The following LRCH3 variants were observed in gnomAD, a reference collection of about 807,000 sequenced individuals.
LRCH3 encodes leucine rich repeats and calponin homology domain containing 3.
A neutral mutation model predicts 104.5 loss-of-function variants in LRCH3; 68 were observed. That is an observed-to-expected ratio of 0.65 (90% CI 0.54 to 0.80). LRCH3 has a LOEUF of 0.80. LRCH3 is among the 30% of genes least tolerant of loss of function. LRCH3 has a pLI of 0.00. For missense variants in LRCH3, 951 were observed against 953.9 expected (o/e 1.00, Z 0.04); for synonymous variants, 344 against 361.3 (o/e 0.95, Z 0.54).
At chr3:197,828,703 CTTTTTTTTT>C (rs752665561) in intron 5 of LRCH3, among the ~76,000 whole-genome samples, 1 of 112,836 alleles carries the variant, frequency 8.9e-6, no homozygotes, top group African/African-American at 3.4e-5. Context: ...ATATGTTACT[CTTTTTTTTT>C]TTTTTTTTTT....
intron 8 of LRCH3, among the ~76,000 whole-genome samples, chr3:197,833,463 G>A (rs1208479719): frequency 1.4e-5 from 2 of 144,040 alleles, no homozygotes; most frequent in Non-Finnish European, 3.0e-5. Context: ...ACTTGAACTC[G>A]GGAGGTGGAG....
intron 3 of LRCH3, among the ~76,000 whole-genome samples, chr3:197,819,571 C>T (rs1734251835): frequency 6.6e-6 from 1 of 151,890 alleles, no homozygotes; most frequent in Non-Finnish European, 1.5e-5. Flanking sequence ...CAAAAATTAG[C>T]TGGGTGTGGT....
chr3:197,879,450 T>A (rs539364425), intron 20 of LRCH3, among the ~76,000 whole-genome samples: 19 of 150,916 alleles, frequency 1.3e-4, no homozygotes, highest in Admixed American at 1.1e-3. Context: ...ATCGAGACCA[T>A]CCTGGCTAAC....
At position 197,791,310 on chromosome 3, in the gene LRCH3, C is replaced by A. The variant is rs767788506; in HGVS notation, c.32C>A (p.Ala11Glu). 3 of 1,608,710 alleles carry A rather than the reference C, an allele frequency of 1.9e-6. No homozygotes were observed. The highest frequency in any genetic ancestry group is 1.3e-5 in the African/African-American group (1 of 74,634). Residue 11 changes from alanine to glutamate, a missense_variant, in exon 1 of 21, where the codon GCG (alanine) becomes GAG (glutamate). Physicochemically the swap from Ala to Glu is moderately radical, Grantham distance 107. Coordinates refer to ENST00000425562, the MANE Select transcript of LRCH3 (RefSeq NM_001365715.1). MAAAGLVAVA[A>E]AAEYSGTVAS... Reference sequence around the variant, plus strand: ...GCCGCGGGCTTGGTCGCTGTGGCAGCGGCTGCCGAGTACTCTGGCACGGTA... The same window carrying A: ...GCCGCGGGCTTGGTCGCTGTGGCAGAGGCTGCCGAGTACTCTGGCACGGTA...
At chr3:197,879,722 C>T (rs940536684) in intron 20 of LRCH3, among the ~76,000 whole-genome samples, 1 of 152,142 alleles carries the variant, frequency 6.6e-6, no homozygotes, top group African/African-American at 2.4e-5. Flanking sequence ...AAATTACCCC[C>T]GGATCATGAG....
At position 197,832,236 on chromosome 3, in the gene LRCH3, G is replaced by A; in HGVS notation, c.1021G>A (p.Glu341Lys). ...TTCAGATCTGCCTCTTCGAGTAGCAGAGATTACTAAAGAACAAAGACTACG... is the reference window on the plus strand; with the variant it reads ...TTCAGATCTGCCTCTTCGAGTAGCAAAGATTACTAAAGAACAAAGACTACG... ...EFSDLPLRVA[E>K]ITKEQRLRRE... Residue 341 changes from glutamate (E) to lysine (K), a missense_variant, in exon 8 of 21, where the codon GAG (glutamate) becomes AAG (lysine). Glu to Lys is a moderately conservative substitution (Grantham distance 56). Transcript: ENST00000425562. The A allele has an allele frequency of 6.2e-7, 1 of 1,613,660 alleles. No individual in the cohort carries two copies. The highest frequency in any genetic ancestry group is 8.5e-7 in the Non-Finnish European group (1 of 1,179,680).
At chr3:197,835,235 G>A (rs1426042911) in intron 8 of LRCH3, among the ~76,000 whole-genome samples, 1 of 151,816 alleles carries the variant, frequency 6.6e-6, no homozygotes, top group African/African-American at 2.4e-5. Flanking sequence ...CCAAGCTGGA[G>A]TGCAGTGGTA....
At chr3:197,881,187 G>A in intron 20 of LRCH3, 1 of 1,005,278 alleles carries the variant, frequency 9.9e-7, no homozygotes, top group Non-Finnish European at 1.2e-6. Context: ...TCTGGTTTTG[G>A]CCGCACCCGG....
At chr3:197,879,422 G>A (rs560834780) in intron 20 of LRCH3, among the ~76,000 whole-genome samples, 3 of 151,898 alleles carry the variant, frequency 2.0e-5, no homozygotes, top group Non-Finnish European at 2.9e-5. Flanking sequence ...CGAGGTGGGC[G>A]GATCACGAGG....
chr3:197,885,113 C>T lies in LRCH3; in HGVS notation c.*1447C>T, dbSNP rs1425058125. 3 of 152,284 alleles carry T rather than the reference C, an allele frequency of 2.0e-5. No homozygotes were observed. Among genetic ancestry groups the T allele is most frequent in the Admixed American group, 6.5e-5 (1 of 15,284 alleles). The allele number at this position is 152,284 out of a possible 1,614,324, so 9.4% of individuals were successfully genotyped here. ...AGACATTATCAACAACAAGCCCTCT[C>T]TCTATACAGAGTTTCCAAATTCTGA... is the stretch of plus-strand genomic sequence containing the variant. On this transcript the variant is annotated 3_prime_UTR_variant, in exon 21 of 21. Coordinates refer to ENST00000425562, the MANE Select transcript of LRCH3 (RefSeq NM_001365715.1).
At position 197,815,066 on chromosome 3, in the gene LRCH3, TTTC is replaced by T. The variant is rs1356595827; in HGVS notation, c.407+17_407+19del. On this transcript the variant is annotated intron_variant, in intron 2 of 20. Transcript: ENST00000425562. ...CTTAAATATTAGGTAAGAATATTGT[TTTC>T]TTATTTTAAATTTTTGGTTTTATGT... is the stretch of plus-strand genomic sequence containing the variant. 7.1e-7 allele frequency: 1 copy of T among 1,410,842 alleles called. No homozygotes were observed. Among genetic ancestry groups the T allele is most frequent in the East Asian group, 2.4e-5 (1 of 41,278 alleles). The allele number at this position is 1,410,842 out of a possible 1,614,324, so 87.4% of individuals were successfully genotyped here.
chr3:197,827,879 T>C (rs1735415300), intron 5 of LRCH3, among the ~76,000 whole-genome samples: 1 of 151,690 alleles, frequency 6.6e-6, no homozygotes, highest in Non-Finnish European at 1.5e-5. Context: ...GAGATCGAGA[T>C]CATCCTGGCC....
rs746965684 is a variant in LRCH3 at position 197,826,963 on chromosome 3, C to G, written c.726C>G (p.His242Gln). 2 of 1,613,878 alleles carry G rather than the reference C, an allele frequency of 1.2e-6. No individual in the cohort carries two copies. Among genetic ancestry groups the G allele is most frequent in the Admixed American group, 1.7e-5 (1 of 59,928 alleles). Reference protein sequence around the residue: ...TIPVCYRNLRHLQTITLDNNP... With the variant: ...TIPVCYRNLRQLQTITLDNNP... ...CTGTTTGTTATCGGAACCTCAGGCA[C>G]CTACAGACGATCACCCTAGATAACA... The change falls in exon 5 of 21, where the codon CAC becomes CAG. Residue 242 changes from histidine to glutamine, a missense_variant. Coordinates refer to ENST00000425562, the MANE Select transcript of LRCH3 (RefSeq NM_001365715.1).
At chr3:197,814,233 G>A (rs1733555671) in intron 1 of LRCH3, among the ~76,000 whole-genome samples, 2 of 152,206 alleles carry the variant, frequency 1.3e-5, no homozygotes, top group African/African-American at 4.8e-5. Context: ...GCAGCGGCAG[G>A]AGAAAATGAG....
intron 12 of LRCH3, chr3:197,851,000 T>G (rs1739516451): frequency 2.6e-6 from 2 of 774,792 alleles, no homozygotes; most frequent in Admixed American, 1.7e-5. Flanking sequence ...GCCCATTTTT[T>G]CTTTTTATGA....
At chr3:197,845,258 A>G (rs192794436) in intron 10 of LRCH3, among the ~76,000 whole-genome samples, 1 of 152,048 alleles carries the variant, frequency 6.6e-6, no homozygotes, top group Admixed American at 6.5e-5. Flanking sequence ...AAAATAGATG[A>G]AAATTAGCCA....
chr3:197,822,083 T>C (rs1164080901), intron 4 of LRCH3, among the ~76,000 whole-genome samples: 1 of 152,254 alleles, frequency 6.6e-6, no homozygotes, highest in East Asian at 1.9e-4. Flanking sequence ...TAGTGGAGCT[T>C]TGACATTTTG....
chr3:197,791,385 C>T lies in LRCH3; in HGVS notation c.107C>T (p.Ala36Val), dbSNP rs762539091. The T allele has an allele frequency of 1.9e-6, 3 of 1,597,128 alleles. No individual in the cohort carries two copies. Among genetic ancestry groups the T allele is most frequent in the Non-Finnish European group, 2.6e-6 (3 of 1,173,484 alleles). Residue 36 changes from alanine to valine, a missense_variant, in exon 1 of 21, where the codon GCA becomes GTA. Ala to Val is a moderately conservative substitution (Grantham distance 64). Coordinates refer to ENST00000425562, the MANE Select transcript of LRCH3 (RefSeq NM_001365715.1). ...PGVHCGPSSG[A>V]GPGFGPGSWS... The stretch of plus-strand genomic sequence containing the variant: ...GTTCACTGCGGCCCAAGCTCCGGGG[C>T]AGGCCCTGGTTTTGGCCCGGGCTCG...
intron 3 of LRCH3, among the ~76,000 whole-genome samples, chr3:197,819,589 G>A (rs1734254506): frequency 6.6e-6 from 1 of 151,700 alleles, no homozygotes; most frequent in Non-Finnish European, 1.5e-5. Flanking sequence ...GGTGGTGGGT[G>A]CCTGTAATCC....
Sources: allele counts gnomAD v4.1 joint callset (sites outside exome capture counted in the v4.1 genomes callset), GRCh38; gene constraint gnomAD v4.1.1; transcripts MANE v1.5; gene names NCBI Gene and HGNC (gene_info 2026-07-23, HGNC 2026-07-21).